The following FAM193A variants were observed in gnomAD, a reference collection of about 807,000 sequenced individuals.
The protein encoded by FAM193A is protein FAM193A.
Under a neutral mutation model 126.5 loss-of-function variants are expected in FAM193A, and 22 were observed. The ratio of observed to expected loss-of-function variants is 0.17; its 90% CI spans 0.12 to 0.25. The LOEUF (loss-of-function observed/expected upper bound fraction) is 0.25, where lower values mean the gene tolerates loss of function less well. FAM193A is among the 10% of genes least tolerant of loss of function. The pLI is 1.00. For synonymous variants in FAM193A, 761 were observed against 646.8 expected (o/e 1.18, Z -2.68); for missense variants, 1,675 against 1,672.8 (o/e 1.00, Z -0.02).
chr4:2,682,792 T>C lies in FAM193A; in HGVS notation c.2332-6714T>C, dbSNP rs1400221631. On this transcript the variant is annotated intron_variant, in intron 13 of 20. Coordinates refer to ENST00000637812, the MANE Select transcript of FAM193A (RefSeq NM_001366318.2). ...TAACAGATTACTCCCGACCCTTCCC[T>C]ATTCCCTGTGACATTGCTGTCATTA... Among the ~76,000 whole-genome samples, 5 of 151,810 alleles carry C rather than the reference T, an allele frequency of 3.3e-5. No homozygotes were observed. In the Admixed American group the frequency reaches 3.3e-4, roughly 10 times the overall value.
chr4:2,719,776 C>T (rs1719920247), intron 20 of FAM193A, among the ~76,000 whole-genome samples: 2 of 63,080 alleles, frequency 3.2e-5, no homozygotes, highest in Admixed American at 3.0e-4. Context: ...TCCTTCCTCC[C>T]TCCCTCCCTC....
intron 1 of FAM193A, among the ~76,000 whole-genome samples, chr4:2,574,982 T>C (rs558428123): frequency 6.6e-6 from 1 of 152,260 alleles, no homozygotes; most frequent in African/African-American, 2.4e-5. Flanking sequence ...TCCCCTCTGT[T>C]GGCTCACACT....
chr4:2,659,684 G>A lies in FAM193A; in HGVS notation c.1502+14G>A, dbSNP rs774300248. ...CTACAGGAGAAGGTAAGGCTGGGTT[G>A]TGGTGTCAGCACGACTGGCCCATTG... On this transcript the variant is annotated intron_variant, in intron 9 of 20. Transcript: ENST00000637812. The A allele has an allele frequency of 2.5e-6, 4 of 1,613,022 alleles. No homozygotes were observed. The highest frequency in any genetic ancestry group is 1.7e-5 in the Admixed American group (1 of 60,004).
At chr4:2,626,637 T>TG in intron 4 of FAM193A, 60 bp downstream of exon 4, 1 of 660,510 alleles carries the variant, frequency 1.5e-6, no homozygotes, top group Non-Finnish European at 2.8e-6. Context: ...CTGCTGCACT[T>TG]GGAGCCACTC....
At chr4:2,687,268 T>C (rs567287777) in intron 13 of FAM193A, among the ~76,000 whole-genome samples, 8 of 152,314 alleles carry the variant, frequency 5.3e-5, no homozygotes, top group Non-Finnish European at 7.3e-5. Context: ...AGTCTCTATA[T>C]AGTAGTCTCT....
chr4:2,558,352 A>C (rs963090059), intron 1 of FAM193A, among the ~76,000 whole-genome samples: 3 of 152,140 alleles, frequency 2.0e-5, no homozygotes, highest in Non-Finnish European at 4.4e-5. Context: ...TAATTATTTC[A>C]CTTAGGTGAA....
intron 2 of FAM193A, among the ~76,000 whole-genome samples, chr4:2,608,965 A>G (rs1247978531): frequency 1.4e-5 from 2 of 146,120 alleles, no homozygotes; most frequent in East Asian, 4.0e-4. Flanking sequence ...ATCTTGGCTC[A>G]CTGCAAGCTC....
intron 2 of FAM193A, among the ~76,000 whole-genome samples, chr4:2,617,168 CA>C (rs1173633454): frequency 1.7e-4 from 9 of 51,958 alleles, no homozygotes; most frequent in Non-Finnish European, 2.5e-4. Flanking sequence ...ACTCCATCTC[CA>C]AAAAAAAAAA....
In FAM193A at chr4:2,699,440, C is replaced by CCG. The variant is rs1366103129; in HGVS notation, c.3508-239_3508-238insGC. 9.6e-5 allele frequency among the ~76,000 whole-genome samples: 8 copies of CCG among 83,716 alleles called. 1 individual carries two copies. The highest frequency in any genetic ancestry group is 3.3e-4 in the African/African-American group (8 of 23,932). The allele number at this position is 83,716 out of a possible 152,430, so 54.9% of individuals were successfully genotyped here. On this transcript the variant is annotated intron_variant, in intron 18 of 20. Transcript: ENST00000637812. ...GGGAATTTTTTGTTAACTACCACCCCCCCCCCCACACACACACACACAAAT... is the reference window on the plus strand; with the variant it reads ...GGGAATTTTTTGTTAACTACCACCCCCGCCCCCCCACACACACACACACAAAT...
intron 19 of FAM193A, among the ~76,000 whole-genome samples, chr4:2,701,207 G>A (rs1717692931): frequency 6.6e-6 from 1 of 150,586 alleles, no homozygotes; most frequent in African/African-American, 2.4e-5. Context: ...TGAAGAAGTT[G>A]ACACTGATCC....
chr4:2,567,172 TCTC>T (rs1472383848), intron 1 of FAM193A, among the ~76,000 whole-genome samples: 1 of 151,450 alleles, frequency 6.6e-6, no homozygotes, highest in Non-Finnish European at 1.5e-5. Context: ...ATGGTCTCGA[TCTC>T]CTGACCTCGT....
At chr4:2,677,692 G>T (rs1162230688) in intron 13 of FAM193A, among the ~76,000 whole-genome samples, 1 of 148,648 alleles carries the variant, frequency 6.7e-6, no homozygotes, top group East Asian at 2.0e-4. Flanking sequence ...AGTGAGCCAA[G>T]ATCGCGCCAT....
intron 13 of FAM193A, among the ~76,000 whole-genome samples, chr4:2,687,220 A>G (rs117954836): frequency 6.6e-6 from 1 of 152,168 alleles, no homozygotes; most frequent in Non-Finnish European, 1.5e-5. Context: ...TCGGTTGGTC[A>G]GGTGTTTTGT....
chr4:2,680,971 TG>T (rs1426012991), intron 13 of FAM193A, among the ~76,000 whole-genome samples: 2 of 152,136 alleles, frequency 1.3e-5, no homozygotes, highest in African/African-American at 4.8e-5. Flanking sequence ...ATACCTTTTA[TG>T]TTTTTTTCTT....
intron 2 of FAM193A, among the ~76,000 whole-genome samples, chr4:2,614,381 A>G (rs1159331928): frequency 6.6e-6 from 1 of 152,224 alleles, no homozygotes; most frequent in East Asian, 1.9e-4. Flanking sequence ...ATGATAACAG[A>G]GTTTTCCTTT....
At chr4:2,686,360 C>T (rs918744710) in intron 13 of FAM193A, among the ~76,000 whole-genome samples, 1 of 152,082 alleles carries the variant, frequency 6.6e-6, no homozygotes, top group African/African-American at 2.4e-5. Flanking sequence ...TATTGAACAC[C>T]CAATATGTGC....
intron 1 of FAM193A, among the ~76,000 whole-genome samples, chr4:2,575,007 C>G (rs1739504206): frequency 6.6e-6 from 1 of 152,162 alleles, no homozygotes; most frequent in Non-Finnish European, 1.5e-5. Context: ...TAACTTCTTC[C>G]TCTTCCTCTT....
At chr4:2,582,071 A>G (rs1739974787) in intron 1 of FAM193A, among the ~76,000 whole-genome samples, 2 of 152,156 alleles carry the variant, frequency 1.3e-5, no homozygotes, top group African/African-American at 4.8e-5. Context: ...GCTTCTCACA[A>G]GAATCCTGCT....
At chr4:2,683,458 C>T (rs955570618) in intron 13 of FAM193A, among the ~76,000 whole-genome samples, 1 of 152,130 alleles carries the variant, frequency 6.6e-6, no homozygotes, top group South Asian at 2.1e-4. Context: ...TCATGCCCGG[C>T]TAATTTTTGT....
Sources: gnomAD v4.1 joint callset for allele counts (sites outside exome capture counted in the v4.1 genomes callset) on GRCh38, gnomAD v4.1.1 for gene constraint, MANE v1.5 for transcripts, NCBI Gene and HGNC (gene_info 2026-07-23, HGNC 2026-07-21) for gene names.